Variants in PRRC2A observed in about 807,000 individuals in gnomAD.
PRRC2A encodes protein PRRC2A.
PRRC2A carries 59 observed loss-of-function variants against 224.6 expected under a neutral mutation model. The observed-to-expected ratio is 0.26, with a 90% CI of 0.21 to 0.33. The LOEUF (loss-of-function observed/expected upper bound fraction) is 0.33, where lower values mean the gene tolerates loss of function less well. Ranked by LOEUF, PRRC2A falls within the 10% of genes least tolerant of loss-of-function variation. The pLI is 1.00. For missense variants in PRRC2A, 3,095 were observed against 2,880.7 expected (o/e 1.07, Z -1.70); for synonymous variants, 1,194 against 1,109.5 (o/e 1.08, Z -1.51).
At position 31,632,929 on chromosome 6, in the gene PRRC2A, C is replaced by T; in HGVS notation, c.4256C>T (p.Pro1419Leu). ...AGCAGTGGAGGAGGCGGTGGGGGTCCTGGAGGAAGGACCGGGCCAGGACGA... is the reference window on the plus strand; with the variant it reads ...AGCAGTGGAGGAGGCGGTGGGGGTCTTGGAGGAAGGACCGGGCCAGGACGA... ...GSSSGGGGGGPGGRTGPGRGD... is the reference protein window; with the variant it reads ...GSSSGGGGGGLGGRTGPGRGD... The change falls in exon 16 of 31, where the codon CCT (proline) becomes CTT (leucine). Residue 1419 changes from proline to leucine, a missense_variant. Pro to Leu is a moderately conservative substitution (Grantham distance 98). Transcript: ENST00000376033. The T allele has an allele frequency of 6.2e-7, 1 of 1,612,106 alleles. No homozygotes were observed. The highest frequency in any genetic ancestry group is 8.5e-7 in the Non-Finnish European group (1 of 1,179,538).
chr6:31,624,550 G>A (rs1775678808), intron 5 of PRRC2A, 28 bp downstream of exon 5: 1 of 1,585,944 alleles, frequency 6.3e-7, no homozygotes, highest in African/African-American at 1.3e-5. Context: ...TTGGGGAGCT[G>A]TGTCTGGGCA....
rs1775739647 is a variant in PRRC2A at position 31,625,023 on chromosome 6, C to T, written c.464-148C>T. On this transcript the variant is annotated intron_variant, in intron 5 of 30. Coordinates refer to ENST00000376033, the MANE Select transcript of PRRC2A (RefSeq NM_004638.4). The surrounding 1 kb of genome is among the most constrained non-coding windows in gnomAD (Gnocchi z 4.1). The stretch of plus-strand genomic sequence containing the variant: ...ACATGTTGGCCAGGATGGTCTCGAT[C>T]TCTTGACCTCGTGATCCGCCCGCCT... 3.5e-6 allele frequency: 3 copies of T among 865,954 alleles called. No individual in the cohort carries two copies. Among genetic ancestry groups the T allele is most frequent in the Non-Finnish European group, 3.6e-6 (2 of 553,680 alleles). 53.6% of individuals were successfully genotyped at this position (865,954 alleles called of 1,614,324 possible). A position where few individuals can be genotyped will look rare whatever the true frequency, so the allele number is the denominator to read the frequency against.
chr6:31,631,525 C>T lies in PRRC2A; in HGVS notation c.2852C>T (p.Pro951Leu), dbSNP rs760528567. The change falls in exon 16 of 31, where the codon CCT becomes CTT. Residue 951 changes from proline (P) to leucine (L), a missense_variant. Around this residue, in one of 8 missense-constraint regions of PRRC2A, gnomAD observed 2,001 missense variants for 1,764.9 expected, o/e 1.13. Transcript: ENST00000376033. This position sits in a 1 kb window ranked among gnomAD's most constrained non-coding sequence, Gnocchi z 4.5. The part of the protein sequence containing the change: ...EPGAPPRRAG[P>L]IKKPPPPTKV... ...GGGGCCCCACCCCGCCGGGCTGGGC[C>T]TATAAAGAAACCTCCACCACCTACA... 6.3e-7 allele frequency: 1 copy of T among 1,597,246 alleles called. No homozygotes were observed. The highest frequency in any genetic ancestry group is 8.5e-7 in the Non-Finnish European group (1 of 1,175,010).
At position 31,637,470 on chromosome 6, in the gene PRRC2A, TG is replaced by T; in HGVS notation, c.6360del (p.Trp2120Ter). The T allele has an allele frequency of 6.3e-7, 1 of 1,576,232 alleles. No individual in the cohort carries two copies. Among genetic ancestry groups the T allele is most frequent in the Non-Finnish European group, 8.6e-7 (1 of 1,159,858 alleles). ...GGCCTCCCCACCAGATGCCCTGCGCTGGATACCTAAGCCTTGGGAGCGGACA... is the reference window on the plus strand; with the variant it reads ...GGCCTCCCCACCAGATGCCCTGCGCTGATACCTAAGCCTTGGGAGCGGACA... The part of the protein sequence containing the change: ...QQASPPDALR[W>X]IPKPWERTGP... On this transcript the variant is annotated frameshift_variant, in exon 31 of 31. Coordinates refer to ENST00000376033, the MANE Select transcript of PRRC2A (RefSeq NM_004638.4). LOFTEE classifies it high-confidence loss of function.
Position 31,625,153 on chromosome 6 carries a change from G to C in PRRC2A, c.464-18G>C, listed in dbSNP as rs1274494332. 6.2e-7 allele frequency: 1 copy of C among 1,606,778 alleles called. No individual in the cohort carries two copies. The highest frequency in any genetic ancestry group is 8.5e-7 in the Non-Finnish European group (1 of 1,175,402). On this transcript the variant is annotated intron_variant, in intron 5 of 30. Coordinates refer to ENST00000376033, the MANE Select transcript of PRRC2A (RefSeq NM_004638.4). This position sits in a 1 kb window ranked among gnomAD's most constrained non-coding sequence, Gnocchi z 4.1. ...GGAAATGTCTTCTGTCTCCTGTTCTGCATCCCCATCCTAATAGGTGGAAGG... is the reference window on the plus strand; with the variant it reads ...GGAAATGTCTTCTGTCTCCTGTTCTCCATCCCCATCCTAATAGGTGGAAGG...
rs1312269377 is a variant in PRRC2A, at chr6:31,635,674, C to T, written c.5466C>T (p.Val1822=). The change falls in exon 24 of 31, where the codon GTC becomes GTT. Residue 1822 remains valine, a synonymous_variant. Coordinates refer to ENST00000376033, the MANE Select transcript of PRRC2A (RefSeq NM_004638.4). ...AGAACCTGGATTCTGGGCACTGTGTCCCGGAGCCCAGCTCCTCAGGCCAGC... is the reference window on the plus strand; with the variant it reads ...AGAACCTGGATTCTGGGCACTGTGTTCCGGAGCCCAGCTCCTCAGGCCAGC... ...QSKNLDSGHC[V]PEPSSSGQRL... 6.2e-7 allele frequency: 1 copy of T among 1,612,884 alleles called. No individual in the cohort carries two copies. Among genetic ancestry groups the T allele is most frequent in the Non-Finnish European group, 8.5e-7 (1 of 1,179,916 alleles).
At position 31,626,228 on chromosome 6, in the gene PRRC2A, T is replaced by TA. The variant is rs1775895717; in HGVS notation, c.982+67dup. 5 of 1,525,852 alleles carry TA rather than the reference T, an allele frequency of 3.3e-6. No homozygotes were observed. In the East Asian group the frequency reaches 6.8e-5, roughly 21 times the overall value. 94.5% of individuals were successfully genotyped at this position (1,525,852 alleles called of 1,614,324 possible). Reference sequence around the variant, plus strand: ...GCAAAACCTAATGAGGAAAAAAAAATACAGGGTTATGTGGGTGAAAGGCAG... The same window carrying TA: ...GCAAAACCTAATGAGGAAAAAAAAATAACAGGGTTATGTGGGTGAAAGGCAG... On this transcript the variant is annotated intron_variant, in intron 9 of 30. Coordinates refer to ENST00000376033, the MANE Select transcript of PRRC2A (RefSeq NM_004638.4).
Position 31,623,726 on chromosome 6 carries a change from C to T in PRRC2A, c.113-6C>T. On this transcript the variant is annotated splice_region_variant and splice_polypyrimidine_tract_variant and intron_variant, in intron 2 of 30. Coordinates refer to ENST00000376033, the MANE Select transcript of PRRC2A (RefSeq NM_004638.4). ...TTTTCGACCCTCTCTCCGTCTTGTT[C>T]TCCAGTTGCCCCTCGCCATGGCCTG... 2 of 1,613,904 alleles carry T rather than the reference C, an allele frequency of 1.2e-6. No homozygotes were observed. Among genetic ancestry groups the T allele is most frequent in the Non-Finnish European group, 1.7e-6 (2 of 1,179,820 alleles).
In PRRC2A at chr6:31,632,875, C is replaced by T; in HGVS notation, c.4202C>T (p.Pro1401Leu). The change falls in exon 16 of 31, where the codon CCA (proline) becomes CTA (leucine). Residue 1401 changes from proline (P) to leucine (L), a missense_variant. Around this residue, in one of 8 missense-constraint regions of PRRC2A, gnomAD observed 2,001 missense variants for 1,764.9 expected, o/e 1.13. Coordinates refer to ENST00000376033, the MANE Select transcript of PRRC2A (RefSeq NM_004638.4). Reference sequence around the variant, plus strand: ...GAACGGCAGAATCGGCGCCCTGGCCCAGGGGGCAAGGCTGGCAGCAGTGGC... The same window carrying T: ...GAACGGCAGAATCGGCGCCCTGGCCTAGGGGGCAAGGCTGGCAGCAGTGGC... ...GMERQNRRPG[P>L]GGKAGSSGSS... 1.2e-6 allele frequency: 2 copies of T among 1,613,046 alleles called. No individual in the cohort carries two copies. Among genetic ancestry groups the T allele is most frequent in the East Asian group, 4.5e-5 (2 of 44,882 alleles).
chr6:31,632,407 A>T lies in PRRC2A; in HGVS notation c.3734A>T (p.His1245Leu). 6.2e-7 allele frequency: 1 copy of T among 1,609,648 alleles called. No individual in the cohort carries two copies. The highest frequency in any genetic ancestry group is 8.5e-7 in the Non-Finnish European group (1 of 1,177,636). ...GGGGAGCGACCCCGAAGGAGGCGAC[A>T]TGGGAGGGCTCAGCAGCAGGATAAA... Reference protein sequence around the residue: ...EDGERPRRRRHGRAQQQDKPP... With the variant: ...EDGERPRRRRLGRAQQQDKPP... Residue 1245 changes from histidine (H) to leucine (L), a missense_variant, in exon 16 of 31, where the codon CAT becomes CTT. By Grantham distance (99) the His-to-Leu change is moderately conservative (BLOSUM62 -3). This residue lies in a region of PRRC2A where 2,001 missense variants were observed against 1,764.9 expected (regional missense o/e 1.13). Coordinates refer to ENST00000376033, the MANE Select transcript of PRRC2A (RefSeq NM_004638.4).
In PRRC2A at chr6:31,634,853, C is replaced by T. The variant is rs1777123096; in HGVS notation, c.5036C>T (p.Ala1679Val). Residue 1679 changes from alanine to valine, a missense_variant, in exon 21 of 31, where the codon GCA becomes GTA. Ala to Val is a moderately conservative substitution (Grantham distance 64). Transcript: ENST00000376033. Reference sequence around the variant, plus strand: ...TCCCCTGATGGAGGACTCAAGGGGGCAGCAGAGGGACCCCCCAAGAGGCCT... The same window carrying T: ...TCCCCTGATGGAGGACTCAAGGGGGTAGCAGAGGGACCCCCCAAGAGGCCT... Reference protein sequence around the residue: ...RSSPDGGLKGAAEGPPKRPGG... With the variant: ...RSSPDGGLKGVAEGPPKRPGG... 2 of 1,612,900 alleles carry T rather than the reference C, an allele frequency of 1.2e-6. No individual in the cohort carries two copies. The highest frequency in any genetic ancestry group is 1.3e-5 in the African/African-American group (1 of 74,916).
Position 31,629,725 on chromosome 6 carries a change from C to G in PRRC2A, c.2134C>G (p.Pro712Ala), listed in dbSNP as rs1368867825. ...ALYPGALGRP[P>A]PMPPMNFDPR... Reference sequence around the variant, plus strand: ...GTACCCAGGTGCTCTGGGCCGGCCCCCACCCATGCCCCCAATGAACTTTGA... The same window carrying G: ...GTACCCAGGTGCTCTGGGCCGGCCCGCACCCATGCCCCCAATGAACTTTGA... Residue 712 changes from proline to alanine, a missense_variant, in exon 14 of 31, where the codon CCA becomes GCA. Physicochemically the swap from Pro to Ala is conservative, Grantham distance 27 (BLOSUM62 -1). This residue lies in a region of PRRC2A where 2,001 missense variants were observed against 1,764.9 expected (regional missense o/e 1.13). Transcript: ENST00000376033. 1 of 1,607,052 alleles carries G rather than the reference C, an allele frequency of 6.2e-7. No individual in the cohort carries two copies. Among genetic ancestry groups the G allele is most frequent in the Admixed American group, 1.7e-5 (1 of 59,716 alleles).
intron 21 of PRRC2A, 38 bp from the exon 22 acceptor site, chr6:31,635,094 T>TCC (rs1335072253): frequency 6.2e-7 from 1 of 1,604,862 alleles, no homozygotes; most frequent in Admixed American, 1.7e-5. Context: ...GATTTCCCTT[T>TCC]CCCTCCCCCA....
At position 31,632,479 on chromosome 6, in the gene PRRC2A, GGGGGTCTGAGGGCAA is replaced by G. The variant is rs1561827507; in HGVS notation, c.3808_3822del (p.Gly1270_Lys1274del). ...AAGCAGGAACGGGAGAATGCCGCAA[GGGGGTCTGAGGGCAA>G]GCCCTCCCTAACCCTTCCAGCCTCC... is the stretch of plus-strand genomic sequence containing the variant. On this transcript the variant is annotated inframe_deletion, in exon 16 of 31. Transcript: ENST00000376033. 6.2e-7 allele frequency: 1 copy of G among 1,606,938 alleles called. No homozygotes were observed. The highest frequency in any genetic ancestry group is 1.1e-5 in the South Asian group (1 of 90,656).
rs551233535 is a variant in PRRC2A at position 31,631,735 on chromosome 6, C to A, written c.3062C>A (p.Thr1021Asn). The A allele has an allele frequency of 1.8e-5, 28 of 1,531,762 alleles. No homozygotes were observed. The South Asian group carries it at 3.3e-4, about 18-fold the overall frequency. 94.9% of individuals were successfully genotyped at this position (1,531,762 alleles called of 1,614,324 possible). A position where few individuals can be genotyped will look rare whatever the true frequency, so the allele number is the denominator to read the frequency against. ...RDYSYERVGP[T>N]SCRGRGRGEY... ...TATTCGTATGAAAGAGTGGGTCCTACCTCTTGCCGGGGTCGGGGCCGAGGC... is the reference window on the plus strand; with the variant it reads ...TATTCGTATGAAAGAGTGGGTCCTAACTCTTGCCGGGGTCGGGGCCGAGGC... The change falls in exon 16 of 31, where the codon ACC becomes AAC. Residue 1021 changes from threonine to asparagine, a missense_variant. By Grantham distance (65) the Thr-to-Asn change is moderately conservative. Coordinates refer to ENST00000376033, the MANE Select transcript of PRRC2A (RefSeq NM_004638.4). This position sits in a 1 kb window ranked among gnomAD's most constrained non-coding sequence, Gnocchi z 4.5.
chr6:31,620,973 A>AGCC (rs1439513699), intron 1 of PRRC2A, 115 bp downstream of exon 1: 3 of 154,304 alleles, frequency 1.9e-5, no homozygotes, highest in Non-Finnish European at 4.4e-5. Flanking sequence ...AGCTGCCATT[A>AGCC]GCCGCCGCCA....
rs1354383386 is a variant in PRRC2A, at chr6:31,623,612, G to C, written c.113-120G>C. On this transcript the variant is annotated intron_variant, in intron 2 of 30. Coordinates refer to ENST00000376033, the MANE Select transcript of PRRC2A (RefSeq NM_004638.4). ...GGGCAGGGGAAGGAATCCCTTCTAA[G>C]AGAAGTTTGGAGGAAGTAGGTAATA... is the stretch of plus-strand genomic sequence containing the variant. The C allele has an allele frequency of 8.7e-6, 10 of 1,149,094 alleles. No homozygotes were observed. The South Asian group carries it at 1.5e-4, about 17-fold the overall frequency. The allele number at this position is 1,149,094 out of a possible 1,614,324, so 71.2% of individuals were successfully genotyped here.
intron 14 of PRRC2A, among the ~76,000 whole-genome samples, 169 bp from the exon 15 acceptor site, chr6:31,630,422 C>T (rs564917205): frequency 6.6e-6 from 1 of 152,094 alleles, no homozygotes; most frequent in Non-Finnish European, 1.5e-5. Context: ...GGTTGATTCT[C>T]TTGTAGGGAA....
rs376847660 is a variant in PRRC2A at position 31,625,826 on chromosome 6, A to G, written c.794A>G (p.Tyr265Cys). Residue 265 changes from tyrosine to cysteine, a missense_variant, in exon 8 of 31, where the codon TAT becomes TGT. This residue lies in a region of PRRC2A where 287 missense variants were observed against 275.3 expected (regional missense o/e 1.04). Transcript: ENST00000376033. The surrounding 1 kb of genome is among the most constrained non-coding windows in gnomAD (Gnocchi z 4.1). ...YPPYLPFPPP[Y>C]GPQGPYRYPT... Reference sequence around the variant, plus strand: ...CCATATCTCCCGTTCCCTCCGCCCTATGGACCCCAGGGGCCTTACCGATAC... The same window carrying G: ...CCATATCTCCCGTTCCCTCCGCCCTGTGGACCCCAGGGGCCTTACCGATAC... The G allele has an allele frequency of 1.0e-5, 16 of 1,589,184 alleles. No homozygotes were observed. Among genetic ancestry groups the G allele is most frequent in the South Asian group, 9.9e-5 (9 of 90,588 alleles).
Sources: allele counts gnomAD v4.1 joint callset (sites outside exome capture counted in the v4.1 genomes callset), GRCh38; gene constraint gnomAD v4.1.1; regional missense constraint gnomAD v4.1.1; non-coding constraint Gnocchi (gnomAD v3.1); transcripts MANE v1.5; gene names NCBI Gene and HGNC (gene_info 2026-07-23, HGNC 2026-07-21).